BCL2L11: variants seen among roughly 807,000 people sequenced by gnomAD.
BCL2L11 encodes the protein BCL2 like 11.
A neutral mutation model predicts 20.6 loss-of-function variants in BCL2L11; 15 were observed. The ratio of observed to expected loss-of-function variants is 0.73; its 90% CI spans 0.49 to 1.12. The LOEUF (loss-of-function observed/expected upper bound fraction) is 1.12. Ranked by LOEUF, BCL2L11 falls within the 50% of genes most tolerant of loss-of-function variation. The pLI, the probability that BCL2L11 is intolerant of heterozygous loss-of-function variation, is 0.00. For missense variants in BCL2L11, 292 were observed against 260.9 expected (o/e 1.12, Z -0.82); for synonymous variants, 108 against 92.8 (o/e 1.16, Z -0.94).
At chr2:111,121,773 G>C (rs1309226003) in intron 1 of BCL2L11, among the ~76,000 whole-genome samples, 1 of 152,242 alleles carries the variant, frequency 6.6e-6, no homozygotes, top group Non-Finnish European at 1.5e-5. Context: ...GCGTACCTGG[G>C]GCCCCTGCTT....
chr2:111,145,689 G>T (rs1451852202), intron 2 of BCL2L11, among the ~76,000 whole-genome samples: 1 of 152,150 alleles, frequency 6.6e-6, no homozygotes, highest in Non-Finnish European at 1.5e-5. Context: ...TAAGAAACAT[G>T]CATCTTTGAG....
chr2:111,135,087 T>C (rs938217553), intron 2 of BCL2L11, among the ~76,000 whole-genome samples: 1 of 151,198 alleles, frequency 6.6e-6, no homozygotes, highest in African/African-American at 2.4e-5. Flanking sequence ...TTTAAATACT[T>C]TTCCAGTCCC....
At chr2:111,161,141 A>G (rs536873064) in intron 3 of BCL2L11, among the ~76,000 whole-genome samples, 5 of 152,106 alleles carry the variant, frequency 3.3e-5, no homozygotes, top group Admixed American at 3.3e-4. Context: ...CCTCATTTTA[A>G]CTTAATCACC....
rs2079048627 is a variant in BCL2L11, at chr2:111,166,919, T to C, written c.*2688T>C. 6.6e-6 allele frequency: 1 copy of C among 152,656 alleles called. No individual in the cohort carries two copies. Among genetic ancestry groups the C allele is most frequent in the Non-Finnish European group, 1.5e-5 (1 of 68,030 alleles). The allele number at this position is 152,656 out of a possible 1,614,324, so 9.5% of individuals were successfully genotyped here. On this transcript the variant is annotated 3_prime_UTR_variant, in exon 4 of 4. Coordinates refer to ENST00000393256, the MANE Select transcript of BCL2L11 (RefSeq NM_138621.5). ...CATATTACTTATCAACTGAGCCAAA[T>C]GTCTGTGTGCAATTGTGTTTCCTTT...
intron 3 of BCL2L11, among the ~76,000 whole-genome samples, chr2:111,150,906 G>GTT (rs759360279): frequency 0.21 from 12,644 of 59,290 alleles, 633 homozygotes; most frequent in African/African-American, 0.32. Context: ...TTGTTTGTTT[G>GTT]TGTGTGTGTT....
rs2073886216 is a variant in BCL2L11, at chr2:111,131,215, G to A, written c.394+7076G>A. On this transcript the variant is annotated intron_variant, in intron 2 of 3. Coordinates refer to ENST00000393256, the MANE Select transcript of BCL2L11 (RefSeq NM_138621.5). ...AGGCCAGGAGATTTTTTTTTTGGCG[G>A]GGGATGGGGGCGGGGGTGGGGGGGA... 2.1e-5 allele frequency: 3 copies of A among 144,366 alleles called. No homozygotes were observed. The South Asian group carries it at 6.8e-4, about 33-fold the overall frequency. 8.9% of individuals were successfully genotyped at this position (144,366 alleles called of 1,614,324 possible).
At chr2:111,124,733 G>A (rs985268380) in intron 2 of BCL2L11, among the ~76,000 whole-genome samples, 3 of 152,122 alleles carry the variant, frequency 2.0e-5, no homozygotes, top group Non-Finnish European at 4.4e-5. Flanking sequence ...TGCTTGAAAG[G>A]GAACTGATCA....
chr2:111,137,060 G>A (rs1258772859), intron 2 of BCL2L11, among the ~76,000 whole-genome samples: 1 of 152,140 alleles, frequency 6.6e-6, no homozygotes, highest in African/African-American at 2.4e-5. Context: ...TCCTGAAAAT[G>A]GCTGGGTAAC....
rs2078930527 is a variant in BCL2L11, at chr2:111,164,502, AT to A, written c.*275del. 3.2e-6 allele frequency: 1 copy of A among 315,460 alleles called. No individual in the cohort carries two copies. Among genetic ancestry groups the A allele is most frequent in the Admixed American group, 4.4e-5 (1 of 22,648 alleles). 19.5% of individuals were successfully genotyped at this position (315,460 alleles called of 1,614,324 possible). A position where few individuals can be genotyped will look rare whatever the true frequency, so the allele number is the denominator to read the frequency against. On this transcript the variant is annotated 3_prime_UTR_variant, in exon 4 of 4. Transcript: ENST00000393256. ...ACAAACCATGGTTTTTTGGAGCAGG[AT>A]TTTGTGTAAGAATGGTGTTTACATG... is the stretch of plus-strand genomic sequence containing the variant.
rs1464130317 is a variant in BCL2L11 at position 111,168,397 on chromosome 2, TAAAC to T, written c.*4169_*4172del. 1.3e-5 allele frequency: 2 copies of T among 152,690 alleles called. No individual in the cohort carries two copies. The highest frequency in any genetic ancestry group is 2.4e-5 in the African/African-American group (1 of 41,480). The allele number at this position is 152,690 out of a possible 1,614,324, so 9.5% of individuals were successfully genotyped here. ...ACTGCTGTAAATAACTGCAGATTTT[TAAAC>T]AATCTTTTATGTTAATTTTATAAAA... On this transcript the variant is annotated 3_prime_UTR_variant, in exon 4 of 4. Coordinates refer to ENST00000393256, the MANE Select transcript of BCL2L11 (RefSeq NM_138621.5).
chr2:111,162,477 A>G (rs1418288430), intron 3 of BCL2L11, among the ~76,000 whole-genome samples: 1 of 152,246 alleles, frequency 6.6e-6, no homozygotes, highest in Non-Finnish European at 1.5e-5. Context: ...AACCTTGGAA[A>G]GATTCTCTTG....
At chr2:111,123,244 C>G (rs1331309922) in intron 1 of BCL2L11, 1 of 985,496 alleles carries the variant, frequency 1.0e-6, no homozygotes, top group Non-Finnish European at 1.2e-6. Context: ...CGGCCGCTGC[C>G]AGACCTTCCC....
At chr2:111,156,827 A>G (rs1453817679) in intron 3 of BCL2L11, among the ~76,000 whole-genome samples, 1 of 152,134 alleles carries the variant, frequency 6.6e-6, no homozygotes, top group African/African-American at 2.4e-5. Context: ...GGAGCTAGAA[A>G]ATTCTTATTA....
intron 2 of BCL2L11, chr2:111,128,704 C>T: frequency 6.4e-7 from 1 of 1,550,618 alleles, no homozygotes; most frequent in East Asian, 2.4e-5. Context: ...GTATGGCCAC[C>T]ACCATAGTCA....
chr2:111,143,927 T>C (rs1323767305), intron 2 of BCL2L11, among the ~76,000 whole-genome samples: 1 of 152,180 alleles, frequency 6.6e-6, no homozygotes. Flanking sequence ...CAGATAATAG[T>C]GAATGAGGGA....
rs1013265290 is a variant in BCL2L11, at chr2:111,124,084, A to G, written c.339A>G (p.Ser113=). The G allele has an allele frequency of 4.3e-6, 7 of 1,614,070 alleles. No homozygotes were observed. Among genetic ancestry groups the G allele is most frequent in the Non-Finnish European group, 5.1e-6 (6 of 1,180,008 alleles). The part of the protein sequence containing the change: ...RSPAPMSCDK[S]TQTPSPPCQA... ...CAGCACCCATGAGTTGTGACAAATC[A>G]ACACAAACCCCAAGTCCTCCTTGCC... The change falls in exon 2 of 4, where the codon TCA becomes TCG. Residue 113 remains serine (S), a synonymous_variant. Transcript: ENST00000393256.
chr2:111,121,737 G>A (rs2070992697), intron 1 of BCL2L11, among the ~76,000 whole-genome samples: 1 of 152,208 alleles, frequency 6.6e-6, no homozygotes, highest in Non-Finnish European at 1.5e-5. Flanking sequence ...AAGGTTTCGG[G>A]GCCACTGCTG....
rs1185662414 is a variant in BCL2L11, at chr2:111,168,103, G to C, written c.*3872G>C. ...TGTAAGAAGCATCCTCAAGCTCCCA[G>C]TTAAGTAACTTGACTACTTTTATTT... On this transcript the variant is annotated 3_prime_UTR_variant, in exon 4 of 4. Transcript: ENST00000393256. The C allele has an allele frequency of 6.5e-6, 1 of 152,680 alleles. No homozygotes were observed. The highest frequency in any genetic ancestry group is 1.5e-5 in the Non-Finnish European group (1 of 68,058). The allele number at this position is 152,680 out of a possible 1,614,324, so 9.5% of individuals were successfully genotyped here. A position where few individuals can be genotyped will look rare whatever the true frequency, so the allele number is the denominator to read the frequency against.
At chr2:111,138,707 G>T (rs921863662) in intron 2 of BCL2L11, among the ~76,000 whole-genome samples, 1 of 152,162 alleles carries the variant, frequency 6.6e-6, no homozygotes, top group African/African-American at 2.4e-5. Flanking sequence ...GGTGTTGGCA[G>T]GTTGCTCTTG....
Sources: allele counts gnomAD v4.1 joint callset (sites outside exome capture counted in the v4.1 genomes callset), GRCh38; gene constraint gnomAD v4.1.1; transcripts MANE v1.5; gene names NCBI Gene and HGNC (gene_info 2026-07-23, HGNC 2026-07-21).